The following RBFOX1 variants were observed in gnomAD, a reference collection of about 807,000 sequenced individuals.
RBFOX1 encodes RNA binding fox-1 homolog 1, also known as RNA binding protein fox-1 homolog 1.
Under a neutral mutation model 57.7 loss-of-function variants are expected in RBFOX1, and 8 were observed. That is an observed-to-expected ratio of 0.14 (90% CI 0.08 to 0.25). The LOEUF is 0.25. RBFOX1 is among the 10% of genes least tolerant of loss of function. RBFOX1 has a pLI of 1.00. For synonymous variants in RBFOX1, 326 were observed against 222.4 expected, an observed-to-expected ratio of 1.47 and a Z score of -4.15; for missense variants, 611 against 548.5, an observed-to-expected ratio of 1.11 and a Z score of -1.14.
chr16:5,847,909 A>G (rs115871499), intron 3 of RBFOX1, among the ~76,000 whole-genome samples: 2,601 of 151,874 alleles, frequency 0.017, 71 homozygotes, highest in African/African-American at 0.059. Flanking sequence ...ATTGTCCAGG[A>G]CTCTAGGGAT....
At chr16:6,073,317 A>G (rs1286740530) in intron 1 of RBFOX1, among the ~76,000 whole-genome samples, 3 of 152,170 alleles carry the variant, frequency 2.0e-5, no homozygotes, top group African/African-American at 7.2e-5. Context: ...TTTGCCAAAT[A>G]TTTTTGCACC....
intron 1 of RBFOX1, chr16:6,056,842 C>CTTTTTTTTTTT (rs61605263): frequency 1.3e-5 from 2 of 148,630 alleles, no homozygotes; most frequent in Admixed American, 6.7e-5. Flanking sequence ...AGACTTAAGA[C>CTTTTTTTTTTT]TTTTTTTTTT....
chr16:6,841,452 TAAA>T (rs1219939227), intron 3 of RBFOX1, among the ~76,000 whole-genome samples: 1 of 152,136 alleles, frequency 6.6e-6, no homozygotes, highest in Non-Finnish European at 1.5e-5. Context: ...TGCTTGTCAA[TAAA>T]ACCCTCATGC....
At chr16:7,452,017 T>G (rs1323514788) in intron 4 of RBFOX1, among the ~76,000 whole-genome samples, 1 of 152,166 alleles carries the variant, frequency 6.6e-6, no homozygotes, top group Non-Finnish European at 1.5e-5. Context: ...AGAGAAAGAT[T>G]CTTATTCCAT....
At chr16:7,049,698 C>G (rs755814901) in intron 3 of RBFOX1, among the ~76,000 whole-genome samples, 35 of 152,044 alleles carry the variant, frequency 2.3e-4, no homozygotes, top group Admixed American at 9.2e-4. Context: ...CCCCCCTCCA[C>G]TTGCTGCTTT....
intron 2 of RBFOX1, 56 bp downstream of exon 2, chr16:6,317,113 C>T (rs2081206909): frequency 6.9e-7 from 1 of 1,443,214 alleles, no homozygotes; most frequent in Non-Finnish European, 9.4e-7. Context: ...GTCTTTGATC[C>T]TGTTCTCTCT....
chr16:7,454,514 G>T (rs1249012158), intron 4 of RBFOX1, among the ~76,000 whole-genome samples: 3 of 152,238 alleles, frequency 2.0e-5, no homozygotes, highest in Non-Finnish European at 4.4e-5. Flanking sequence ...AGTTTATAAG[G>T]TCCAGAATTC....
At chr16:6,338,938 G>T (rs1186949250) in intron 2 of RBFOX1, among the ~76,000 whole-genome samples, 1 of 152,154 alleles carries the variant, frequency 6.6e-6, no homozygotes, top group Non-Finnish European at 1.5e-5. Flanking sequence ...AATGGGAAGG[G>T]GTGAGGGGTG....
intron 4 of RBFOX1, among the ~76,000 whole-genome samples, chr16:7,100,098 A>G (rs1003094189): frequency 1.3e-5 from 2 of 151,976 alleles, no homozygotes; most frequent in Non-Finnish European, 2.9e-5. Flanking sequence ...TTTTTGATTT[A>G]CATACTAAAT....
At chr16:6,711,695 C>T (rs1215637554) in intron 3 of RBFOX1, among the ~76,000 whole-genome samples, 4 of 152,154 alleles carry the variant, frequency 2.6e-5, no homozygotes, top group African/African-American at 7.2e-5. Flanking sequence ...TATTAAGTCT[C>T]AGGTATGTCT....
chr16:5,596,940 T>G (rs1226149551), intron 2 of RBFOX1, among the ~76,000 whole-genome samples: 1 of 152,190 alleles, frequency 6.6e-6, no homozygotes, highest in Non-Finnish European at 1.5e-5. Context: ...TTCTCTGTGT[T>G]GAGGAAGGAG....
At chr16:7,536,287 AG>A (rs1225233277) in intron 5 of RBFOX1, among the ~76,000 whole-genome samples, 2 of 152,212 alleles carry the variant, frequency 1.3e-5, no homozygotes, top group African/African-American at 4.8e-5. Context: ...TCCTTAAAGA[AG>A]TGACTTTTAA....
chr16:7,670,679 A>C (rs996944664), intron 13 of RBFOX1, among the ~76,000 whole-genome samples: 1 of 152,170 alleles, frequency 6.6e-6, no homozygotes, highest in Non-Finnish European at 1.5e-5. Flanking sequence ...TAAGGAAGCA[A>C]ATTTAAACTG....
At chr16:5,328,116 G>A (rs1032137744) in intron 1 of RBFOX1, among the ~76,000 whole-genome samples, 3 of 152,140 alleles carry the variant, frequency 2.0e-5, no homozygotes, top group Admixed American at 1.3e-4. Flanking sequence ...GCCCTTTTGT[G>A]CCTGTTATGG....
intron 3 of RBFOX1, among the ~76,000 whole-genome samples, chr16:6,706,439 C>T (rs554402203): frequency 5.4e-4 from 83 of 152,312 alleles, no homozygotes; most frequent in African/African-American, 1.8e-3. Context: ...AGTAGCCTCC[C>T]CTTCCAGCTT....
intron 3 of RBFOX1, among the ~76,000 whole-genome samples, chr16:5,643,837 C>A (rs2048960781): frequency 6.6e-6 from 1 of 152,176 alleles, no homozygotes; most frequent in African/African-American, 2.4e-5. Context: ...CAGGCACATT[C>A]ACGTGGGATG....
chr16:5,312,708 T>A (rs190486149), intron 1 of RBFOX1, among the ~76,000 whole-genome samples: 4 of 152,136 alleles, frequency 2.6e-5, no homozygotes, highest in Non-Finnish European at 5.9e-5. Flanking sequence ...AAAGAAGACA[T>A]ACAAATGACC....
chr16:7,527,438 A>G lies in RBFOX1; in HGVS notation c.270+9049A>G, dbSNP rs144977268. On this transcript the variant is annotated intron_variant, in intron 5 of 15. Coordinates refer to ENST00000550418, the MANE Select transcript of RBFOX1 (RefSeq NM_018723.4). ...GGCCAGGAACAGGATATCTCTGAGC[A>G]TCAAAGACCCATGTGTTTGACGTTC... Among the ~76,000 whole-genome samples the G allele has an allele frequency of 8.2e-3, 1,243 of 152,304 alleles. 21 individuals carry two copies. The highest frequency in any genetic ancestry group is 0.029 in the African/African-American group (1,187 of 41,572).
chr16:7,049,823 A>G (rs57593160), intron 3 of RBFOX1, among the ~76,000 whole-genome samples: 3,366 of 152,166 alleles, frequency 0.022, 127 homozygotes, highest in African/African-American at 0.077. Flanking sequence ...AAGAACCGAA[A>G]CCTCACCACC....
Sources: gnomAD v4.1 joint callset for allele counts (sites outside exome capture counted in the v4.1 genomes callset) on GRCh38, gnomAD v4.1.1 for gene constraint, MANE v1.5 for transcripts, NCBI Gene and HGNC (gene_info 2026-07-23, HGNC 2026-07-21) for gene names.